The following CPA6 variants were observed in gnomAD, a reference collection of about 807,000 sequenced individuals.
CPA6 encodes carboxypeptidase B.
CPA6 carries 58 observed loss-of-function variants against 63.3 expected under a neutral mutation model. The ratio of observed to expected loss-of-function variants is 0.92; its 90% CI spans 0.74 to 1.14. CPA6 has a LOEUF of 1.14. CPA6 is among the 50% of genes most tolerant of loss of function. The probability of loss-of-function intolerance (pLI) is 0.00; values close to 1 mark genes in which losing one functional copy is unlikely to be tolerated. For synonymous variants in CPA6, 185 were observed against 179.0 expected (o/e 1.03, Z -0.27); for missense variants, 565 against 526.6 (o/e 1.07, Z -0.71).
At chr8:67,609,331 A>G (rs993779588) in intron 2 of CPA6, among the ~76,000 whole-genome samples, 2 of 152,234 alleles carry the variant, frequency 1.3e-5, no homozygotes, top group Non-Finnish European at 2.9e-5. Context: ...TTTGATGATG[A>G]AAAAGAGGCT....
intron 2 of CPA6, among the ~76,000 whole-genome samples, chr8:67,568,642 G>A (rs1277986261): frequency 6.6e-6 from 1 of 152,146 alleles, no homozygotes; most frequent in Non-Finnish European, 1.5e-5. Context: ...GAATGAAAAA[G>A]ATGAAGAAAG....
intron 9 of CPA6, among the ~76,000 whole-genome samples, chr8:67,433,330 C>T (rs1435062376): frequency 6.6e-6 from 1 of 152,184 alleles, no homozygotes; most frequent in Non-Finnish European, 1.5e-5. Context: ...ACTTTATAGG[C>T]TTTTAGATGC....
Position 67,422,373 on chromosome 8 carries a change from T to A in CPA6, c.*131A>T. ...TCTATTGCCACAAAGTCAAATTGCG[T>A]GGGGTCTTTTTAAAGTCCATAGACA... On this transcript the variant is annotated 3_prime_UTR_variant, in exon 11 of 11. Transcript: ENST00000297770. 1.5e-6 allele frequency: 1 copy of A among 656,268 alleles called. No individual in the cohort carries two copies. The highest frequency in any genetic ancestry group is 2.6e-5 in the East Asian group (1 of 38,812). 40.7% of individuals were successfully genotyped at this position (656,268 alleles called of 1,614,324 possible).
chr8:67,654,834 G>A (rs1815944636), intron 1 of CPA6, among the ~76,000 whole-genome samples: 1 of 152,102 alleles, frequency 6.6e-6, no homozygotes, highest in Admixed American at 6.6e-5. Flanking sequence ...ACTGCCCCAG[G>A]CCTCAAGGGC....
At chr8:67,706,854 A>C (rs959819129) in intron 1 of CPA6, among the ~76,000 whole-genome samples, 2 of 152,226 alleles carry the variant, frequency 1.3e-5, no homozygotes, top group Admixed American at 6.5e-5. Context: ...GTCTGACATC[A>C]ATAGTACACT....
chr8:67,552,457 A>G (rs997187951), intron 2 of CPA6, among the ~76,000 whole-genome samples: 4 of 152,204 alleles, frequency 2.6e-5, no homozygotes, highest in African/African-American at 9.7e-5. Flanking sequence ...TGTGAAACAC[A>G]TCTTAGTACT....
At chr8:67,457,698 GA>G (rs60127106) in intron 8 of CPA6, among the ~76,000 whole-genome samples, 18,752 of 148,928 alleles carry the variant, frequency 0.13, 3,072 homozygotes, top group African/African-American at 0.38. Flanking sequence ...CCCAACCCCA[GA>G]AAAAAAAAAT....
At chr8:67,617,884 G>A (rs560957220) in intron 2 of CPA6, among the ~76,000 whole-genome samples, 2 of 152,298 alleles carry the variant, frequency 1.3e-5, no homozygotes, top group South Asian at 2.1e-4. Flanking sequence ...GCAGCTAGAG[G>A]CCACCCACAA....
At chr8:67,493,802 G>A (rs1811654455) in intron 6 of CPA6, among the ~76,000 whole-genome samples, 1 of 149,014 alleles carries the variant, frequency 6.7e-6, no homozygotes, top group Non-Finnish European at 1.5e-5. Flanking sequence ...CTTTTTTTTT[G>A]TACTGCTGCC....
chr8:67,483,689 G>T, intron 8 of CPA6, 79 bp downstream of exon 8: 1 of 1,130,476 alleles, frequency 8.8e-7, no homozygotes, highest in Non-Finnish European at 1.4e-6. Flanking sequence ...TCTCCCATGA[G>T]AGTCCTCTGG....
intron 1 of CPA6, among the ~76,000 whole-genome samples, chr8:67,650,625 G>C (rs1459593028): frequency 6.6e-6 from 1 of 152,118 alleles, no homozygotes; most frequent in African/African-American, 2.4e-5. Context: ...GTCTATTGAG[G>C]CTCACTTCTG....
chr8:67,484,074 CTT>C (rs11320694), intron 7 of CPA6, among the ~76,000 whole-genome samples: 21 of 146,562 alleles, frequency 1.4e-4, no homozygotes, highest in South Asian at 2.2e-4. Flanking sequence ...TTTGCCTTCT[CTT>C]TTTTTTTTTT....
intron 1 of CPA6, among the ~76,000 whole-genome samples, chr8:67,745,580 A>G (rs1186863278): frequency 7.2e-6 from 1 of 139,438 alleles, no homozygotes; most frequent in Non-Finnish European, 1.5e-5. Context: ...AGCACAGACA[A>G]AAAAAAAATC....
At chr8:67,447,536 CA>C (rs1810456347) in intron 8 of CPA6, among the ~76,000 whole-genome samples, 2 of 147,214 alleles carry the variant, frequency 1.4e-5, no homozygotes, top group African/African-American at 5.4e-5. Context: ...CACACACACA[CA>C]CACACACACA....
intron 2 of CPA6, among the ~76,000 whole-genome samples, chr8:67,551,224 G>T (rs998158957): frequency 2.7e-5 from 4 of 150,628 alleles, no homozygotes; most frequent in Admixed American, 1.3e-4. Flanking sequence ...AAAGGTAGGG[G>T]TCCAGTTTCA....
intron 10 of CPA6, 87 bp from the exon 11 acceptor site, chr8:67,422,778 T>TA (rs1201554678): frequency 4.2e-6 from 4 of 956,808 alleles, no homozygotes; most frequent in Non-Finnish European, 6.1e-6. Context: ...AGTATCCGCT[T>TA]ATTAAGCTTT....
At chr8:67,618,364 C>T (rs932287721) in intron 2 of CPA6, among the ~76,000 whole-genome samples, 2 of 152,080 alleles carry the variant, frequency 1.3e-5, no homozygotes, top group African/African-American at 4.8e-5. Context: ...TGTTCTAGAG[C>T]TCTTGTAGGT....
At chr8:67,430,027 T>G (rs1193683513) in intron 9 of CPA6, among the ~76,000 whole-genome samples, 2 of 152,084 alleles carry the variant, frequency 1.3e-5, no homozygotes, top group Non-Finnish European at 2.9e-5. Flanking sequence ...TTGAAAGGAC[T>G]GATTTCAGTG....
intron 1 of CPA6, among the ~76,000 whole-genome samples, chr8:67,735,870 C>A (rs547453070): frequency 1.3e-5 from 2 of 152,068 alleles, no homozygotes; most frequent in Admixed American, 6.5e-5. Flanking sequence ...GCGTATGTTA[C>A]GGGACCTCAC....
Sources: gnomAD v4.1 joint callset for allele counts (sites outside exome capture counted in the v4.1 genomes callset) on GRCh38, gnomAD v4.1.1 for gene constraint, MANE v1.5 for transcripts, NCBI Gene and HGNC (gene_info 2026-07-23, HGNC 2026-07-21) for gene names.